Variants in CHRNA6 observed in about 807,000 individuals in gnomAD.
CHRNA6 encodes neuronal acetylcholine receptor subunit alpha-6.
Under a neutral mutation model 40.9 loss-of-function variants are expected in CHRNA6, and 31 were observed. The ratio of observed to expected loss-of-function variants is 0.76; its 90% CI spans 0.57 to 1.02. The LOEUF (loss-of-function observed/expected upper bound fraction) is 1.02, where lower values mean the gene tolerates loss of function less well. CHRNA6 is among the 50% of genes least tolerant of loss of function. The pLI is 0.00. For synonymous variants in CHRNA6, 222 were observed against 221.3 expected (o/e 1.00, Z -0.03); for missense variants, 546 against 596.6 (o/e 0.92, Z 0.88).
Position 42,753,174 on chromosome 8 carries a change from A to G in CHRNA6, c.*5T>C, listed in dbSNP as rs1232889151. 6.3e-7 allele frequency: 1 copy of G among 1,589,190 alleles called. No homozygotes were observed. The highest frequency in any genetic ancestry group is 1.2e-5 in the South Asian group (1 of 85,816). ...TAAATTTCTGAACATAAAAGAAAATACATTTTAAGATTTTCCTGTGTTCCC... is the reference window on the plus strand; with the variant it reads ...TAAATTTCTGAACATAAAAGAAAATGCATTTTAAGATTTTCCTGTGTTCCC... On this transcript the variant is annotated 3_prime_UTR_variant, in exon 6 of 6. Transcript: ENST00000276410.
chr8:42,765,236 C>A, intron 1 of CHRNA6, 32 bp from the exon 2 acceptor site: 1 of 1,607,282 alleles, frequency 6.2e-7, no homozygotes, highest in Non-Finnish European at 8.5e-7. Context: ...AGAGTTAGAG[C>A]CAGCCCGGCC....
At position 42,756,391 on chromosome 8, in the gene CHRNA6, C is replaced by T; in HGVS notation, c.808G>A (p.Glu270Lys). The T allele has an allele frequency of 6.2e-7, 1 of 1,614,186 alleles. No homozygotes were observed. Among genetic ancestry groups the T allele is most frequent in the Non-Finnish European group, 8.5e-7 (1 of 1,180,028 alleles). Reference protein sequence around the residue: ...LVFYLPSDCGEKVTLCISVLL... With the variant: ...LVFYLPSDCGKKVTLCISVLL... ...ACTGAAATACAAAGCGTCACTTTTT[C>T]ACCACAGTCCGAAGGAAGGTAAAAG... Residue 270 changes from glutamate to lysine, a missense_variant, in exon 5 of 6, where the codon GAA becomes AAA. By Grantham distance (56) the Glu-to-Lys change is moderately conservative. Around this residue, in one of 3 missense-constraint regions of CHRNA6, gnomAD observed 476 missense variants for 494.5 expected, o/e 0.96. Transcript: ENST00000276410.
At chr8:42,766,401 A>T (rs1816975698) in intron 1 of CHRNA6, among the ~76,000 whole-genome samples, 1 of 152,154 alleles carries the variant, frequency 6.6e-6, no homozygotes, top group African/African-American at 2.4e-5. Flanking sequence ...CTTAGGCAGG[A>T]GAATGGCATG....
chr8:42,759,189 T>C, intron 2 of CHRNA6, 76 bp from the exon 3 acceptor site: 1 of 1,110,552 alleles, frequency 9.0e-7, no homozygotes, highest in Non-Finnish European at 1.4e-6. Flanking sequence ...AAATTACAAC[T>C]AAAAAGAACC....
intron 5 of CHRNA6, among the ~76,000 whole-genome samples, chr8:42,754,498 A>G (rs1290775584): frequency 6.6e-6 from 1 of 151,874 alleles, no homozygotes; most frequent in Non-Finnish European, 1.5e-5. Flanking sequence ...TTGTAGAGAG[A>G]GGGTCTTCTT....
chr8:42,756,280 G>C lies in CHRNA6; in HGVS notation c.919C>G (p.Leu307Val), dbSNP rs201852908. Residue 307 changes from leucine (L) to valine (V), a missense_variant, in exon 5 of 6, where the codon CTG becomes GTG. Physicochemically the swap from Leu to Val is conservative, Grantham distance 32. Transcript: ENST00000276410. The part of the protein sequence containing the change: ...SLVVPLVGEY[L>V]LFTMIFVTLS... The stretch of plus-strand genomic sequence containing the variant: ...GTGACAAAGATCATGGTGAACAGCA[G>C]GTACTCACCCACCAGTGGGACCACC... 25 of 1,614,104 alleles carry C rather than the reference G, an allele frequency of 1.5e-5. No homozygotes were observed. Among genetic ancestry groups the C allele is most frequent in the Non-Finnish European group, 2.1e-5 (25 of 1,180,036 alleles).
rs1199067757 is a variant in CHRNA6 at position 42,756,082 on chromosome 8, C to T, written c.1117G>A (p.Gly373Ser). ...RGTGSDAVPRGLARRPAKGKL... is the reference protein window; with the variant it reads ...RGTGSDAVPRSLARRPAKGKL... ...CCTTTGGCAGGCCTCCTGGCAAGGC[C>T]TCTGGGCACTGCATCAGAGCCTGTG... Residue 373 changes from glycine to serine, a missense_variant, in exon 5 of 6, where the codon GGC becomes AGC. By Grantham distance (56) the Gly-to-Ser change is moderately conservative. Transcript: ENST00000276410. 2 of 1,614,256 alleles carry T rather than the reference C, an allele frequency of 1.2e-6. No homozygotes were observed. The highest frequency in any genetic ancestry group is 8.5e-7 in the Non-Finnish European group (1 of 1,180,042).
intron 3 of CHRNA6, 146 bp downstream of exon 3, chr8:42,758,923 T>C: frequency 1.5e-6 from 1 of 646,146 alleles, no homozygotes; most frequent in Non-Finnish European, 2.8e-6. Flanking sequence ...TCAAGTCAGC[T>C]ATTACCAGAG....
At chr8:42,766,411 G>A (rs1350363640) in intron 1 of CHRNA6, among the ~76,000 whole-genome samples, 1 of 152,126 alleles carries the variant, frequency 6.6e-6, no homozygotes, top group Non-Finnish European at 1.5e-5. Context: ...AGAATGGCAT[G>A]AACCTGGGAG....
At chr8:42,766,247 C>G (rs1186389185) in intron 1 of CHRNA6, among the ~76,000 whole-genome samples, 2 of 152,188 alleles carry the variant, frequency 1.3e-5, no homozygotes, top group Non-Finnish European at 2.9e-5. Flanking sequence ...AATCTCAGCA[C>G]TTTGGAAGGC....
Position 42,768,395 on chromosome 8 carries a change from C to T in CHRNA6, c.36G>A (p.Gly12=). Residue 12 remains glycine, a synonymous_variant, in exon 1 of 6, where the codon GGG becomes GGA. Transcript: ENST00000276410. ...ACACACACAGCCAGAGACACAAGCC[C>T]CCATGAAGGAATCCCTGCCCCTTGC... ...LTSKGQGFLH[G]GLCLWLCVFT... 1.2e-6 allele frequency: 2 copies of T among 1,613,980 alleles called. No homozygotes were observed. The highest frequency in any genetic ancestry group is 8.5e-7 in the Non-Finnish European group (1 of 1,179,896).
intron 2 of CHRNA6, among the ~76,000 whole-genome samples, chr8:42,763,588 C>T (rs1193896538): frequency 6.6e-6 from 1 of 152,128 alleles, no homozygotes; most frequent in Non-Finnish European, 1.5e-5. Context: ...AGAGGAAACT[C>T]AGTTCAGCTC....
chr8:42,768,600 G>T lies in CHRNA6; in HGVS notation c.-170C>A. ...CGGGACTTCACACGGTTATTACCAG[G>T]ATCAGAGACTGAGGCAGACATGAAG... On this transcript the variant is annotated 5_prime_UTR_variant, in exon 1 of 6. Coordinates refer to ENST00000276410, the MANE Select transcript of CHRNA6 (RefSeq NM_004198.3). 1.9e-6 allele frequency: 1 copy of T among 537,372 alleles called. No individual in the cohort carries two copies. The allele number at this position is 537,372 out of a possible 1,614,324, so 33.3% of individuals were successfully genotyped here. A position where few individuals can be genotyped will look rare whatever the true frequency, so the allele number is the denominator to read the frequency against.
intron 2 of CHRNA6, among the ~76,000 whole-genome samples, chr8:42,762,067 T>C (rs1816912291): frequency 6.6e-6 from 1 of 152,104 alleles, no homozygotes; most frequent in African/African-American, 2.4e-5. Context: ...CAAACACACT[T>C]CCAGGTAGAG....
intron 2 of CHRNA6, chr8:42,759,363 C>A (rs545523486): frequency 2.2e-6 from 1 of 459,946 alleles, no homozygotes; most frequent in South Asian, 2.5e-5. Context: ...AGCCTCACCT[C>A]TTCTGTGAAG....
chr8:42,761,227 TG>T (rs1314595668), intron 2 of CHRNA6, among the ~76,000 whole-genome samples: 1 of 152,230 alleles, frequency 6.6e-6, no homozygotes, highest in African/African-American at 2.4e-5. Context: ...GTTACAGTCA[TG>T]GGTTCCTGTA....
Position 42,765,091 on chromosome 8 carries a change from C to T in CHRNA6, c.193G>A (p.Val65Met), listed in dbSNP as rs139682260. 4.3e-6 allele frequency: 7 copies of T among 1,614,168 alleles called. No individual in the cohort carries two copies. Among genetic ancestry groups the T allele is most frequent in the Admixed American group, 1.7e-5 (1 of 60,018 alleles). Reference sequence around the variant, plus strand: ...ACGTTGGCCAGCTGGGTGATGGCCACTTCAAAGTGTACCGTGACAGGGTCG... The same window carrying T: ...ACGTTGGCCAGCTGGGTGATGGCCATTTCAAAGTGTACCGTGACAGGGTCG... Reference protein sequence around the residue: ...VSDPVTVHFEVAITQLANVDE... With the variant: ...VSDPVTVHFEMAITQLANVDE... Residue 65 changes from valine (V) to methionine (M), a missense_variant, in exon 2 of 6, where the codon GTG becomes ATG. Val to Met is a conservative substitution (Grantham distance 21, BLOSUM62 1). This residue lies in a region of CHRNA6 where 476 missense variants were observed against 494.5 expected (regional missense o/e 0.96). Coordinates refer to ENST00000276410, the MANE Select transcript of CHRNA6 (RefSeq NM_004198.3).
chr8:42,760,377 T>A (rs1406775220), intron 2 of CHRNA6, among the ~76,000 whole-genome samples: 2 of 150,710 alleles, frequency 1.3e-5, no homozygotes, highest in Admixed American at 6.6e-5. Flanking sequence ...CAAACTCATA[T>A]ACCCACTCAT....
chr8:42,767,581 C>A (rs1414387443), intron 1 of CHRNA6, among the ~76,000 whole-genome samples: 1 of 152,142 alleles, frequency 6.6e-6, no homozygotes, highest in East Asian at 1.9e-4. Context: ...TGTTAAATTA[C>A]TAAATGGAAA....
Sources: gnomAD v4.1 joint callset for allele counts (sites outside exome capture counted in the v4.1 genomes callset) on GRCh38, gnomAD v4.1.1 for gene constraint, gnomAD v4.1.1 regional missense constraint, MANE v1.5 for transcripts, NCBI Gene and HGNC (gene_info 2026-07-23, HGNC 2026-07-21) for gene names.